Variants in MTAP observed in about 807,000 individuals in gnomAD.
The protein encoded by MTAP is methylthioadenosine phosphorylase, also known as S-methyl-5'-thioadenosine phosphorylase.
Under a neutral mutation model 33.6 loss-of-function variants are expected in MTAP, and 33 were observed. The observed-to-expected ratio is 0.98, with a 90% CI of 0.74 to 1.31. The LOEUF (loss-of-function observed/expected upper bound fraction) is 1.31. Among genes scored for constraint, MTAP ranks in the 40% most tolerant of loss-of-function variants. The probability of loss-of-function intolerance (pLI) is 0.00; values close to 1 mark genes in which losing one functional copy is unlikely to be tolerated. For missense variants in MTAP, 367 were observed against 360.0 expected (o/e 1.02, Z -0.16); for synonymous variants, 148 against 125.7 (o/e 1.18, Z -1.19).
chr9:21,854,601 GT>G (rs34058121), intron 5 of MTAP, 29 bp from the exon 6 acceptor site: 1 of 1,521,932 alleles, frequency 6.6e-7, no homozygotes, highest in Non-Finnish European at 8.8e-7. Flanking sequence ...GTGCTAGTAT[GT>G]TTTGAAGTTT....
intron 4 of MTAP, among the ~76,000 whole-genome samples, chr9:21,825,667 G>A (rs1187518053): frequency 6.6e-6 from 1 of 152,122 alleles, no homozygotes; most frequent in Non-Finnish European, 1.5e-5. Flanking sequence ...GTGAGACCTT[G>A]TCTCTGTAAA....
downstream of MTAP, among the ~76,000 whole-genome samples, chr9:21,938,198 C>T (rs369612753): frequency 7.5e-4 from 113 of 150,762 alleles, 1 homozygote; most frequent in South Asian, 8.2e-3. Flanking sequence ...TGCTTGAATC[C>T]GGGAGGCAGA....
chr9:21,810,700 A>C (rs1270457643), intron 1 of MTAP, among the ~76,000 whole-genome samples: 1 of 152,226 alleles, frequency 6.6e-6, no homozygotes, highest in African/African-American at 2.4e-5. Context: ...ACCTCATTTG[A>C]TCTGAATTAC....
At chr9:21,868,845 C>T (rs566592718), downstream of MTAP, among the ~76,000 whole-genome samples, 1 of 152,254 alleles carries the variant, frequency 6.6e-6, no homozygotes, top group South Asian at 2.1e-4. Flanking sequence ...ACCTGGAGGG[C>T]TTATTAAAAC....
chr9:21,827,117 C>G (rs757992830), intron 4 of MTAP, among the ~76,000 whole-genome samples: 3 of 152,184 alleles, frequency 2.0e-5, no homozygotes, highest in African/African-American at 4.8e-5. Context: ...TAGGGCCACC[C>G]CCTCCCCTAT....
intron 1 of MTAP, chr9:21,811,736 A>G: frequency 5.6e-6 from 3 of 531,730 alleles, no homozygotes; most frequent in South Asian, 1.4e-5. Context: ...GGTGAATTCC[A>G]TCTCATCCAT....
intron 1 of MTAP, among the ~76,000 whole-genome samples, chr9:21,925,738 C>T (rs1408026628): frequency 7.2e-6 from 1 of 138,250 alleles, no homozygotes; most frequent in Non-Finnish European, 1.5e-5. Context: ...TGGCCTTAAG[C>T]TGAAAAGGCC....
intron 4 of MTAP, among the ~76,000 whole-genome samples, chr9:21,827,092 T>C (rs1052431581): frequency 9.2e-5 from 14 of 152,304 alleles, no homozygotes; most frequent in Admixed American, 2.0e-4. Flanking sequence ...CCAAAAAGAT[T>C]AGGGGCAGCT....
chr9:21,895,212 A>G (rs1241469562), intron 1 of MTAP, among the ~76,000 whole-genome samples: 13 of 152,248 alleles, frequency 8.5e-5, no homozygotes, highest in Non-Finnish European at 1.6e-4. Flanking sequence ...AAGCCAGAAT[A>G]ACCAAAGCAA....
intron 1 of MTAP, among the ~76,000 whole-genome samples, chr9:21,813,373 T>C (rs1563830286): frequency 6.6e-6 from 1 of 152,212 alleles, no homozygotes; most frequent in African/African-American, 2.4e-5. Context: ...TGTCCAGGGC[T>C]ACTACATGTT....
intron 4 of MTAP, among the ~76,000 whole-genome samples, chr9:21,834,850 T>C (rs1479607202): frequency 3.9e-5 from 6 of 152,250 alleles, no homozygotes; most frequent in Non-Finnish European, 7.3e-5. Flanking sequence ...GGGGCCATTA[T>C]TTGAAATCTA....
rs4129862 is a variant in MTAP at position 21,861,559 on chromosome 9, G to T, written c.814-417G>T. The T allele has an allele frequency of 9.0e-3, 1,493 of 166,270 alleles. 18 individuals carry two copies. The highest frequency in any genetic ancestry group is 0.01 in the Non-Finnish European group (794 of 77,054). 10.3% of individuals were successfully genotyped at this position (166,270 alleles called of 1,614,324 possible). ...ACACTTAGCACCTGCTATACGTCAA[G>T]GTCTGGTTTGCAAAGATAAAGAGTT... On this transcript the variant is annotated intron_variant, in intron 7 of 7. Coordinates refer to ENST00000644715, the MANE Select transcript of MTAP (RefSeq NM_002451.4).
chr9:21,925,196 G>A (rs1818849569), intron 1 of MTAP, among the ~76,000 whole-genome samples: 1 of 152,178 alleles, frequency 6.6e-6, no homozygotes, highest in African/African-American at 2.4e-5. Flanking sequence ...AATAAAATTG[G>A]TCTTAATAGA....
At chr9:21,940,224 C>G (rs985714276), downstream of MTAP, among the ~76,000 whole-genome samples, 4 of 152,334 alleles carry the variant, frequency 2.6e-5, no homozygotes, top group Non-Finnish European at 4.4e-5. Flanking sequence ...CTTGGAAAGA[C>G]TTTTTAAATT....
rs570671349 is a variant in MTAP, at chr9:21,851,689, T to C, written c.451-2942T>C. ...AAAGTATTGATCCTGGGTGTGTCTG[T>C]GAGGGTGTTGCCAAAGGAGATTGAC... On this transcript the variant is annotated intron_variant, in intron 5 of 7. Coordinates refer to ENST00000644715, the MANE Select transcript of MTAP (RefSeq NM_002451.4). Among the ~76,000 whole-genome samples the C allele has an allele frequency of 2.0e-5, 3 of 152,322 alleles. No homozygotes were observed. The South Asian group carries it at 6.2e-4, about 32-fold the overall frequency.
chr9:21,874,868 C>T (rs570349348), intron 1 of MTAP, among the ~76,000 whole-genome samples: 22 of 152,006 alleles, frequency 1.4e-4, no homozygotes, highest in East Asian at 1.2e-3. Flanking sequence ...TGACAGGCCC[C>T]GGTATGTGAT....
At chr9:21,907,984 GA>G (rs1321106519) in intron 1 of MTAP, among the ~76,000 whole-genome samples, 5 of 150,962 alleles carry the variant, frequency 3.3e-5, no homozygotes, top group Admixed American at 6.6e-5. Context: ...GGCTGTCACA[GA>G]AAAAAAAGGA....
Position 21,922,151 on chromosome 9 carries a change from A to G in MTAP, c.148-8857A>G, listed in dbSNP as rs1818797570. Among the ~76,000 whole-genome samples, 1 of 152,052 alleles carries G rather than the reference A, an allele frequency of 6.6e-6. No individual in the cohort carries two copies. Among genetic ancestry groups the G allele is most frequent in the South Asian group, 2.1e-4 (1 of 4,812 alleles). ...CTAAGAGGCAAAATGGCAGAGTTTA[A>G]CTGGTGTATGACCAGTTCCTCTAGG... is the stretch of plus-strand genomic sequence containing the variant. On this transcript the variant is annotated intron_variant, in intron 1 of 1. Transcript: ENST00000577563. This position sits in a 1 kb window ranked among gnomAD's most constrained non-coding sequence, Gnocchi z 4.8.
chr9:21,876,841 A>G (rs931312941), intron 1 of MTAP, among the ~76,000 whole-genome samples: 5 of 151,830 alleles, frequency 3.3e-5, no homozygotes, highest in Non-Finnish European at 4.4e-5. Context: ...TGCCTTGGCT[A>G]TTTGGGCTCT....
Sources: gnomAD v4.1 joint callset for allele counts (sites outside exome capture counted in the v4.1 genomes callset) on GRCh38, gnomAD v4.1.1 for gene constraint, Gnocchi (gnomAD v3.1) non-coding constraint, MANE v1.5 for transcripts, NCBI Gene and HGNC (gene_info 2026-07-23, HGNC 2026-07-21) for gene names.